The following RBFOX1 variants were observed in gnomAD, a reference collection of about 807,000 sequenced individuals.
The protein encoded by RBFOX1 is RNA binding protein fox-1 homolog 1.
A neutral mutation model predicts 57.7 loss-of-function variants in RBFOX1; 8 were observed. That is an observed-to-expected ratio of 0.14 (90% CI 0.08 to 0.25). The LOEUF is 0.25. Ranked by LOEUF, RBFOX1 falls within the 10% of genes least tolerant of loss-of-function variation. RBFOX1 has a pLI of 1.00. For synonymous variants in RBFOX1, 326 were observed against 222.4 expected, an observed-to-expected ratio of 1.47 and a Z score of -4.15; for missense variants, 611 against 548.5, an observed-to-expected ratio of 1.11 and a Z score of -1.14.
intron 4 of RBFOX1, among the ~76,000 whole-genome samples, chr16:7,103,482 G>A (rs1464968757): frequency 2.0e-5 from 3 of 152,060 alleles, no homozygotes; most frequent in Non-Finnish European, 2.9e-5. Flanking sequence ...TATATGAATT[G>A]GTATGAAAAG....
At position 6,388,221 on chromosome 16, in the gene RBFOX1, C is replaced by A. The variant is rs536403559; in HGVS notation, c.-64+71164C>A. Among the ~76,000 whole-genome samples, 26 of 152,092 alleles carry A rather than the reference C, an allele frequency of 1.7e-4. No homozygotes were observed. The South Asian group carries it at 4.4e-3, about 26-fold the overall frequency. On this transcript the variant is annotated intron_variant, in intron 2 of 15. Transcript: ENST00000550418. ...GACCTTGTGATCCACCAACCTCGGC[C>A]TCCCAAAGTTCTGGGATTACAGGTG...
intron 2 of RBFOX1, among the ~76,000 whole-genome samples, chr16:6,498,019 C>T (rs2095819171): frequency 1.3e-5 from 2 of 151,918 alleles, no homozygotes; most frequent in African/African-American, 4.8e-5. Context: ...GAGGCTGAGG[C>T]GGGTGGATCG....
In RBFOX1 at chr16:6,631,372, A is replaced by T. The variant is rs147974688; in HGVS notation, c.-63-23231A>T. ...AACCTTATAAAGAAGATGAAGTAGA[A>T]ATATTTTTTAGAAAACACTTTTTAT... On this transcript the variant is annotated intron_variant, in intron 2 of 15. Coordinates refer to ENST00000550418, the MANE Select transcript of RBFOX1 (RefSeq NM_018723.4). Among the ~76,000 whole-genome samples, 328 of 152,130 alleles carry T rather than the reference A, an allele frequency of 2.2e-3. 1 individual carries two copies. The highest frequency in any genetic ancestry group is 7.7e-3 in the African/African-American group (318 of 41,468).
chr16:6,827,499 C>T (rs1040494318), intron 3 of RBFOX1, among the ~76,000 whole-genome samples: 3 of 152,158 alleles, frequency 2.0e-5, no homozygotes, highest in African/African-American at 7.2e-5. Flanking sequence ...CACACTTCAG[C>T]AGGGTGATGT....
intron 4 of RBFOX1, among the ~76,000 whole-genome samples, chr16:7,066,726 G>C (rs1012100223): frequency 1.3e-5 from 2 of 152,134 alleles, no homozygotes; most frequent in Admixed American, 1.3e-4. Context: ...TGAGTGGATT[G>C]GTGGTTGAAA....
At position 6,049,305 on chromosome 16, in the gene RBFOX1, C is replaced by T. The variant is rs529827324; in HGVS notation, c.-127+29313C>T. Among the ~76,000 whole-genome samples, 14 of 141,602 alleles carry T rather than the reference C, an allele frequency of 9.9e-5. No individual in the cohort carries two copies. In the South Asian group the frequency reaches 2.8e-3, roughly 29 times the overall value. The allele number at this position is 141,602 out of a possible 152,430, so 92.9% of individuals were successfully genotyped here. ...TCTCAAACTCCTGACTTCGGGTGAT[C>T]CACCCACCTCAGTCTCCTTTAAAAA... On this transcript the variant is annotated intron_variant, in intron 1 of 15. Transcript: ENST00000550418.
At chr16:5,285,274 G>A (rs1470181059) in intron 1 of RBFOX1, among the ~76,000 whole-genome samples, 3 of 152,028 alleles carry the variant, frequency 2.0e-5, no homozygotes, top group African/African-American at 7.2e-5. Flanking sequence ...TTCTTTCAAC[G>A]ATTTCTTCTC....
chr16:7,322,535 C>G (rs1379426900), intron 4 of RBFOX1, among the ~76,000 whole-genome samples: 2 of 152,208 alleles, frequency 1.3e-5, no homozygotes, highest in Non-Finnish European at 2.9e-5. Flanking sequence ...GATGGACAGT[C>G]AGAAGCTCCT....
intron 3 of RBFOX1, among the ~76,000 whole-genome samples, chr16:6,955,137 A>C (rs1251080679): frequency 6.6e-6 from 1 of 151,630 alleles, no homozygotes; most frequent in Non-Finnish European, 1.5e-5. Flanking sequence ...GCTACTTGGG[A>C]GGTTGAGGCA....
intron 3 of RBFOX1, among the ~76,000 whole-genome samples, chr16:6,989,955 C>G (rs535081672): frequency 2.6e-5 from 4 of 151,936 alleles, no homozygotes; most frequent in Non-Finnish European, 5.9e-5. Context: ...GAACTGAGAC[C>G]GCACCACCGC....
chr16:6,270,045 C>T (rs377332380), intron 1 of RBFOX1, among the ~76,000 whole-genome samples: 3 of 152,000 alleles, frequency 2.0e-5, no homozygotes, highest in African/African-American at 7.3e-5. Context: ...ATGTATATTG[C>T]ACTACCTAGA....
At chr16:7,163,105 C>G (rs2078720912) in intron 4 of RBFOX1, among the ~76,000 whole-genome samples, 1 of 152,152 alleles carries the variant, frequency 6.6e-6, no homozygotes, top group Admixed American at 6.6e-5. Flanking sequence ...TAAATAATTC[C>G]TAAGTTACTG....
chr16:7,472,428 A>G (rs954676228), intron 4 of RBFOX1, among the ~76,000 whole-genome samples: 8 of 152,194 alleles, frequency 5.3e-5, no homozygotes, highest in Admixed American at 1.3e-4. Context: ...TTGGAAGTCA[A>G]TTCTTTCCAG....
At chr16:7,192,923 T>A (rs2085785308) in intron 4 of RBFOX1, among the ~76,000 whole-genome samples, 2 of 152,198 alleles carry the variant, frequency 1.3e-5, no homozygotes, top group Admixed American at 1.3e-4. Flanking sequence ...GAGAACAATG[T>A]AAAAAGCAGA....
intron 3 of RBFOX1, among the ~76,000 whole-genome samples, chr16:5,706,861 A>G (rs1200023107): frequency 6.6e-6 from 1 of 151,938 alleles, no homozygotes; most frequent in African/African-American, 2.4e-5. Flanking sequence ...TTTTTGGTGT[A>G]GGAGGATACA....
chr16:6,071,038 A>C (rs2095830827), intron 1 of RBFOX1, among the ~76,000 whole-genome samples: 1 of 152,178 alleles, frequency 6.6e-6, no homozygotes, highest in South Asian at 2.1e-4. Context: ...CTAAATGGAA[A>C]TTGGCTGGGT....
At chr16:5,966,193 A>C (rs564475123) in intron 4 of RBFOX1, among the ~76,000 whole-genome samples, 10 of 152,164 alleles carry the variant, frequency 6.6e-5, no homozygotes, top group Non-Finnish European at 1.3e-4. Flanking sequence ...AGCCACCGTG[A>C]GTGATGCATA....
Position 6,190,052 on chromosome 16 carries a change from GTA to G in RBFOX1, c.-126-126939_-126-126938del, listed in dbSNP as rs563180800. Among the ~76,000 whole-genome samples the G allele has an allele frequency of 3.7e-3, 559 of 152,270 alleles. 5 individuals are homozygous for G. The highest frequency in any genetic ancestry group is 0.013 in the African/African-American group (533 of 41,560). On this transcript the variant is annotated intron_variant, in intron 1 of 15. Coordinates refer to ENST00000550418, the MANE Select transcript of RBFOX1 (RefSeq NM_018723.4). ...ACATTTTGTGAAGTTATCTATGTTTGTATATGTGTGAATTCAGGTGTGCAGTT... is the reference window on the plus strand; with the variant it reads ...ACATTTTGTGAAGTTATCTATGTTTGTATGTGTGAATTCAGGTGTGCAGTT...
intron 2 of RBFOX1, among the ~76,000 whole-genome samples, chr16:6,365,465 T>C (rs2089432127): frequency 6.6e-6 from 1 of 151,952 alleles, no homozygotes; most frequent in Admixed American, 6.6e-5. Flanking sequence ...GGTGAATGGA[T>C]GGGTGGGTGG....
Sources: gnomAD v4.1 joint callset for allele counts (sites outside exome capture counted in the v4.1 genomes callset) on GRCh38, gnomAD v4.1.1 for gene constraint, MANE v1.5 for transcripts, NCBI Gene and HGNC (gene_info 2026-07-23, HGNC 2026-07-21) for gene names.